The following CELF2 variants were observed in gnomAD, a reference collection of about 807,000 sequenced individuals.
The protein encoded by CELF2 is CUGBP Elav-like family member 2.
A neutral mutation model predicts 62.6 loss-of-function variants in CELF2; 8 were observed. The ratio of observed to expected loss-of-function variants is 0.13; its 90% CI spans 0.07 to 0.23. CELF2 has a LOEUF of 0.23. Among genes scored for constraint, CELF2 ranks in the 10% least tolerant of loss-of-function variants. CELF2 has a pLI of 1.00. For synonymous variants in CELF2, 258 were observed against 250.0 expected (o/e 1.03, Z -0.30); for missense variants, 333 against 671.0 (o/e 0.50, Z 5.56).
At chr10:10,692,299 C>G in the CELF2 span, among the ~76,000 whole-genome samples, 34 of 151,282 alleles carry the variant, frequency 2.2e-4, no homozygotes, top group South Asian at 4.2e-4. Flanking sequence ...TCTCAGGTTT[C>G]TCAAAGATCA....
upstream of CELF2, among the ~76,000 whole-genome samples, chr10:10,795,307 CA>C (rs201225539): frequency 4.6e-4 from 68 of 147,830 alleles, no homozygotes; most frequent in East Asian, 7.9e-3. Flanking sequence ...TTATGAATGC[CA>C]AAAAAAATTT....
rs1291541692 is a variant in CELF2, at chr10:11,309,045, G to C, written c.977-5094G>C. Among the ~76,000 whole-genome samples the C allele has an allele frequency of 6.6e-6, 1 of 152,070 alleles. No homozygotes were observed. The highest frequency in any genetic ancestry group is 1.9e-4 in the East Asian group (1 of 5,206). On this transcript the variant is annotated intron_variant, in intron 9 of 12. Coordinates refer to ENST00000633077, the MANE Select transcript of CELF2 (RefSeq NM_001326342.2). This position sits in a 1 kb window ranked among gnomAD's most constrained non-coding sequence, Gnocchi z 5.6. ...TTGTAATTACACTTATAATCCTTTAGGCATGATTTTTTAGATTGTTATCAT... is the reference window on the plus strand; with the variant it reads ...TTGTAATTACACTTATAATCCTTTACGCATGATTTTTTAGATTGTTATCAT...
chr10:11,266,826 C>G, intron 6 of CELF2, 149 bp downstream of exon 6: 1 of 492,240 alleles, frequency 2.0e-6, no homozygotes, highest in Non-Finnish European at 3.4e-6. Context: ...TCATTCTCTC[C>G]TTCTCTCTCT....
rs186865918 is a variant in CELF2 at position 11,331,954 on chromosome 10, C to G, written c.*2901C>G. ...GGATTTTTTTCCCTGCATCTATCCTCTAAGTTGTTTCGGTTTGACTACTTT... is the reference window on the plus strand; with the variant it reads ...GGATTTTTTTCCCTGCATCTATCCTGTAAGTTGTTTCGGTTTGACTACTTT... On this transcript the variant is annotated 3_prime_UTR_variant, in exon 13 of 13. Transcript: ENST00000633077. The G allele has an allele frequency of 3.3e-5, 5 of 152,352 alleles. No individual in the cohort carries two copies. The highest frequency in any genetic ancestry group is 1.2e-4 in the African/African-American group (5 of 41,556). The allele number at this position is 152,352 out of a possible 1,614,324, so 9.4% of individuals were successfully genotyped here.
chr10:10,516,822 A>C, the CELF2 span, among the ~76,000 whole-genome samples: 567 of 151,794 alleles, frequency 3.7e-3, 3 homozygotes, highest in African/African-American at 0.013. Flanking sequence ...AGGGGGAGAC[A>C]AGTCCCTTTC....
At chr10:10,616,565 C>T in the CELF2 span, among the ~76,000 whole-genome samples, 1 of 151,766 alleles carries the variant, frequency 6.6e-6, no homozygotes, top group Non-Finnish European at 1.5e-5. Context: ...CTGTGTGGGT[C>T]TTGGCATTAT....
At chr10:10,988,342 G>A (rs779564827) in intron 2 of CELF2, among the ~76,000 whole-genome samples, 1 of 151,362 alleles carries the variant, frequency 6.6e-6, no homozygotes, top group Non-Finnish European at 1.5e-5. Context: ...CCATAAAAAG[G>A]AACGAAATAA....
chr10:11,287,595 T>A (rs1246445542), intron 8 of CELF2, among the ~76,000 whole-genome samples: 1 of 152,240 alleles, frequency 6.6e-6, no homozygotes, highest in Non-Finnish European at 1.5e-5. Context: ...TAAATACAAA[T>A]ATTTTACAAA....
chr10:10,537,614 A>G, the CELF2 span, among the ~76,000 whole-genome samples: 1 of 152,098 alleles, frequency 6.6e-6, no homozygotes, highest in Non-Finnish European at 1.5e-5. Context: ...CCTTGGGGTG[A>G]TCCTGGAAGT....
the CELF2 span, among the ~76,000 whole-genome samples, chr10:10,568,929 G>C: frequency 2.0e-5 from 3 of 152,124 alleles, no homozygotes; most frequent in African/African-American, 7.2e-5. Flanking sequence ...GCGACTTCTA[G>C]TTACAATATT....
chr10:10,844,106 T>C (rs2058858616), intron 1 of CELF2, among the ~76,000 whole-genome samples: 1 of 152,076 alleles, frequency 6.6e-6, no homozygotes, highest in African/African-American at 2.4e-5. Flanking sequence ...TCTCCTATCT[T>C]TGTTCCTGCC....
At chr10:10,765,175 C>A in the CELF2 span, among the ~76,000 whole-genome samples, 231 of 152,334 alleles carry the variant, frequency 1.5e-3, 1 homozygote, top group Admixed American at 2.7e-3. Flanking sequence ...TATCTGCCAG[C>A]TCCCATTTCC....
At position 11,269,514 on chromosome 10, in the gene CELF2, G is replaced by T. The variant is rs2083130970; in HGVS notation, c.619-1152G>T. 6.6e-6 allele frequency among the ~76,000 whole-genome samples: 1 copy of T among 151,172 alleles called. No homozygotes were observed. Among genetic ancestry groups the T allele is most frequent in the African/African-American group, 2.4e-5 (1 of 41,336 alleles). The stretch of plus-strand genomic sequence containing the variant: ...TAGGAATATAACATTTCTGAGAGGA[G>T]AGAGAGAGAGGTCTATTATCATGCT... On this transcript the variant is annotated intron_variant, in intron 6 of 12. Transcript: ENST00000633077. This position sits in a 1 kb window ranked among gnomAD's most constrained non-coding sequence, Gnocchi z 4.4.
intron 11 of CELF2, among the ~76,000 whole-genome samples, chr10:11,323,461 AATG>A (rs1472155757): frequency 1.3e-5 from 2 of 149,078 alleles, no homozygotes; most frequent in Admixed American, 6.7e-5. Context: ...TAATAATAAT[AATG>A]AATTCCAGAT....
At chr10:10,582,307 A>G in the CELF2 span, among the ~76,000 whole-genome samples, 1 of 152,198 alleles carries the variant, frequency 6.6e-6, no homozygotes, top group East Asian at 1.9e-4. Flanking sequence ...AAATACATTG[A>G]TGAAATCCAT....
chr10:11,176,455 C>G (rs1220387858), intron 2 of CELF2, among the ~76,000 whole-genome samples: 1 of 152,192 alleles, frequency 6.6e-6, no homozygotes, highest in African/African-American at 2.4e-5. Context: ...CAAAGAGTGA[C>G]TGATAGTGTT....
At chr10:10,851,086 G>T (rs1004159802) in intron 1 of CELF2, among the ~76,000 whole-genome samples, 5 of 152,156 alleles carry the variant, frequency 3.3e-5, no homozygotes, top group African/African-American at 1.2e-4. Flanking sequence ...GATTACAGGT[G>T]TGAGCCACTG....
At chr10:11,048,990 G>GCTC (rs1246065731) in intron 1 of CELF2, among the ~76,000 whole-genome samples, 1 of 151,992 alleles carries the variant, frequency 6.6e-6, no homozygotes, top group Non-Finnish European at 1.5e-5. Flanking sequence ...TGTATTAGAA[G>GCTC]CCAGAGGAGC....
At chr10:10,756,144 T>C in the CELF2 span, among the ~76,000 whole-genome samples, 2 of 152,236 alleles carry the variant, frequency 1.3e-5, no homozygotes, top group African/African-American at 2.4e-5. Context: ...CCTGAAATAG[T>C]ACAGGAAACA....
Sources: gnomAD v4.1 joint callset for allele counts (sites outside exome capture counted in the v4.1 genomes callset) on GRCh38, gnomAD v4.1.1 for gene constraint, Gnocchi (gnomAD v3.1) non-coding constraint, MANE v1.5 for transcripts, NCBI Gene and HGNC (gene_info 2026-07-23, HGNC 2026-07-21) for gene names.